Variants in C7orf57 observed in about 807,000 individuals in gnomAD.
C7orf57 encodes the protein uncharacterized protein C7orf57.
Under a neutral mutation model 39.0 loss-of-function variants are expected in C7orf57, and 33 were observed. The observed-to-expected ratio is 0.85, with a 90% CI of 0.64 to 1.13. The LOEUF (loss-of-function observed/expected upper bound fraction) is 1.13. Among genes scored for constraint, C7orf57 ranks in the 50% most tolerant of loss-of-function variants. The pLI is 0.00. For missense variants in C7orf57, 346 were observed against 362.3 expected, an observed-to-expected ratio of 0.95 and a Z score of 0.37; for synonymous variants, 124 against 137.1, an observed-to-expected ratio of 0.90 and a Z score of 0.67.
chr7:48,047,397 T>C (rs1204031403), intron 5 of C7orf57, among the ~76,000 whole-genome samples: 2 of 152,276 alleles, frequency 1.3e-5, no homozygotes, highest in Non-Finnish European at 2.9e-5. Context: ...CGTTGTCACC[T>C]GATGGGTGAT....
chr7:48,049,829 G>C, intron 5 of C7orf57, 51 bp from the exon 6 acceptor site: 2 of 1,404,368 alleles, frequency 1.4e-6, no homozygotes, highest in Non-Finnish European at 1.0e-6. Context: ...TTCTTCTCTA[G>C]CTGTTGAATG....
chr7:48,052,854 C>G lies in C7orf57; in HGVS notation c.760C>G (p.Leu254Val). The G allele has an allele frequency of 6.2e-7, 1 of 1,614,002 alleles. No individual in the cohort carries two copies. Among genetic ancestry groups the G allele is most frequent in the Admixed American group, 1.7e-5 (1 of 60,022 alleles). The change falls in exon 7 of 9, where the codon CTG (leucine) becomes GTG (valine). Residue 254 changes from leucine to valine, a missense_variant. Physicochemically the swap from Leu to Val is conservative, Grantham distance 32 (BLOSUM62 1). Coordinates refer to ENST00000348904, the MANE Select transcript of C7orf57 (RefSeq NM_001100159.3). ...AGTGTTATCTCAGTCCCCACGAGACCTGGAAGGTCCCCAGGATGCAGCCAG... is the reference window on the plus strand; with the variant it reads ...AGTGTTATCTCAGTCCCCACGAGACGTGGAAGGTCCCCAGGATGCAGCCAG... ...ASVLSQSPRD[L>V]EGPQDAARLQ...
chr7:48,046,695 A>C, intron 5 of C7orf57, 79 bp downstream of exon 5: 2 of 1,477,092 alleles, frequency 1.4e-6, no homozygotes, highest in Non-Finnish European at 1.8e-6. Flanking sequence ...CTGTGATGTT[A>C]GCTGCTGGTG....
At chr7:48,051,863 CTTTCT>C in intron 6 of C7orf57, among the ~76,000 whole-genome samples, 1 of 55,572 alleles carries the variant, frequency 1.8e-5, no homozygotes, top group Admixed American at 2.0e-4. Context: ...TTCTTTCTTT[CTTTCT>C]TTCTCTTTCT....
intron 5 of C7orf57, among the ~76,000 whole-genome samples, chr7:48,047,348 A>T (rs1790747661): frequency 6.6e-6 from 1 of 152,228 alleles, no homozygotes; most frequent in South Asian, 2.1e-4. Flanking sequence ...CATATTACAA[A>T]TAACAATAGT....
intron 2 of C7orf57, among the ~76,000 whole-genome samples, chr7:48,038,526 C>T (rs915290146): frequency 6.6e-6 from 1 of 152,180 alleles, no homozygotes; most frequent in Admixed American, 6.5e-5. Context: ...CAGGGAAGAG[C>T]TGATGTTGCA....
Position 48,049,907 on chromosome 7 carries a change from T to G in C7orf57, c.535T>G (p.Tyr179Asp). Reference protein sequence around the residue: ...KLRLPAIDSKYLSKAGTPLGP... With the variant: ...KLRLPAIDSKDLSKAGTPLGP... ...GAGGCTACCGGCCATTGACTCAAAG[T>G]ATCTGAGCAAAGCAGGCACCCCACT... The change falls in exon 6 of 9, where the codon TAT becomes GAT. Residue 179 changes from tyrosine to aspartate, a missense_variant. By Grantham distance (160) the Tyr-to-Asp change is radical. Coordinates refer to ENST00000348904, the MANE Select transcript of C7orf57 (RefSeq NM_001100159.3). The G allele has an allele frequency of 6.2e-7, 1 of 1,613,806 alleles. No individual in the cohort carries two copies. Among genetic ancestry groups the G allele is most frequent in the Non-Finnish European group, 8.5e-7 (1 of 1,179,754 alleles).
intron 5 of C7orf57, among the ~76,000 whole-genome samples, chr7:48,049,256 C>T (rs942538312): frequency 7.2e-5 from 11 of 152,236 alleles, no homozygotes; most frequent in South Asian, 2.1e-4. Flanking sequence ...TTGACTGCCA[C>T]GCCGCATTTC....
intron 6 of C7orf57, among the ~76,000 whole-genome samples, chr7:48,050,281 C>T (rs1790836385): frequency 6.6e-6 from 1 of 152,228 alleles, no homozygotes; most frequent in Non-Finnish European, 1.5e-5. Context: ...AGATACCACC[C>T]TCACCACAGT....
chr7:48,051,814 CTTCTCTTTCTTTCT>C lies in C7orf57; in HGVS notation c.606-881_606-868del, dbSNP rs1368880186. Among the ~76,000 whole-genome samples the C allele has an allele frequency of 1.9e-4, 8 of 42,440 alleles. 3 individuals are homozygous for C. The highest frequency in any genetic ancestry group is 9.6e-4 in the East Asian group (2 of 2,076). 27.8% of individuals were successfully genotyped at this position (42,440 alleles called of 152,430 possible). On this transcript the variant is annotated intron_variant, in intron 6 of 8. Transcript: ENST00000348904. ...TCTTTCTTTCCTTCCTTCCTTTTCT[CTTCTCTTTCTTTCT>C]TTCTTTCTTTCTTTCTTTCTTTCTT... is the stretch of plus-strand genomic sequence containing the variant.
At chr7:48,043,958 G>A (rs1326310421) in intron 4 of C7orf57, among the ~76,000 whole-genome samples, 1 of 152,084 alleles carries the variant, frequency 6.6e-6, no homozygotes, top group Non-Finnish European at 1.5e-5. Flanking sequence ...CTCTGACCTG[G>A]GGTTCTTGGC....
chr7:48,051,839 C>T (rs1211298955), intron 6 of C7orf57, among the ~76,000 whole-genome samples: 9 of 59,228 alleles, frequency 1.5e-4, no homozygotes, highest in African/African-American at 6.6e-4. Flanking sequence ...TTCTTTCTTT[C>T]TTTCTTTCTT....
chr7:48,051,780 T>TTC (rs1285741943), intron 6 of C7orf57, among the ~76,000 whole-genome samples: 2 of 115,242 alleles, frequency 1.7e-5, no homozygotes, highest in Non-Finnish European at 3.8e-5. Context: ...CTTTCTTTCT[T>TTC]TCTTTCTTTC....
chr7:48,036,324 A>G lies in C7orf57; in HGVS notation c.16A>G (p.Lys6Glu), dbSNP rs1430109248. MRNTS[K>E]ELQGATHRYA... ...GCGCCTGACCATGAGGAACACAAGC[A>G]AGGAACTTCAGGGCGCCACGCACCG... Residue 6 changes from lysine to glutamate, a missense_variant, in exon 2 of 9, where the codon AAG becomes GAG. Lys to Glu is a moderately conservative substitution (Grantham distance 56). Transcript: ENST00000348904. 1.0e-5 allele frequency: 16 copies of G among 1,590,604 alleles called. No homozygotes were observed. The highest frequency in any genetic ancestry group is 1.4e-5 in the Non-Finnish European group (16 of 1,168,860).
At chr7:48,046,880 G>A (rs370037184) in intron 5 of C7orf57, among the ~76,000 whole-genome samples, 3 of 152,180 alleles carry the variant, frequency 2.0e-5, no homozygotes, top group East Asian at 1.9e-4. Flanking sequence ...CTTATCTAGA[G>A]GAAAACTGGC....
rs1483391579 is a variant in C7orf57, at chr7:48,041,333, G to A, written c.56-1G>A. ...TGGCCCTCCGCCTCTCTCCTCTATAGATTGGTATTACCACGTCCCAGTGAA... is the reference window on the plus strand; with the variant it reads ...TGGCCCTCCGCCTCTCTCCTCTATAAATTGGTATTACCACGTCCCAGTGAA... On this transcript the variant is annotated splice_acceptor_variant, in intron 2 of 8. Coordinates refer to ENST00000348904, the MANE Select transcript of C7orf57 (RefSeq NM_001100159.3). LOFTEE classifies it high-confidence loss of function. The A allele has an allele frequency of 6.2e-7, 1 of 1,611,362 alleles. No homozygotes were observed. The highest frequency in any genetic ancestry group is 1.7e-5 in the Admixed American group (1 of 59,716).
Position 48,035,612 on chromosome 7 carries a change from G to A in C7orf57, c.-120G>A. 1 of 690,480 alleles carries A rather than the reference G, an allele frequency of 1.4e-6. No homozygotes were observed. The highest frequency in any genetic ancestry group is 1.5e-5 in the South Asian group (1 of 66,376). 42.8% of individuals were successfully genotyped at this position (690,480 alleles called of 1,614,324 possible). A position where few individuals can be genotyped will look rare whatever the true frequency, so the allele number is the denominator to read the frequency against. On this transcript the variant is annotated 5_prime_UTR_variant, in exon 1 of 9. Transcript: ENST00000348904. The surrounding 1 kb of genome is among the most constrained non-coding windows in gnomAD (Gnocchi z 4.0). ...GCCGGGCGCCGCGGGCAGCACCCAC[G>A]GAGACCCGCGGGGAGCTGGTGAGCC...
At chr7:48,046,647 G>A (rs771350398) in intron 5 of C7orf57, 31 bp downstream of exon 5, 37 of 1,595,250 alleles carry the variant, frequency 2.3e-5, no homozygotes, top group African/African-American at 2.7e-5. Context: ...GACGGCATCC[G>A]CATCCGCTTT....
chr7:48,046,448 C>T lies in C7orf57; in HGVS notation c.351-12C>T, dbSNP rs768558403. ...CTGAGCACCAGGCTGTAACTGGTGT[C>T]TGTCCTTGCAGAGTGCGGGCTGTCT... On this transcript the variant is annotated splice_polypyrimidine_tract_variant and intron_variant, in intron 4 of 8. Transcript: ENST00000348904. 2.5e-6 allele frequency: 4 copies of T among 1,609,020 alleles called. No individual in the cohort carries two copies. The highest frequency in any genetic ancestry group is 1.1e-5 in the South Asian group (1 of 90,168).
Sources: gnomAD v4.1 joint callset for allele counts (sites outside exome capture counted in the v4.1 genomes callset) on GRCh38, gnomAD v4.1.1 for gene constraint, Gnocchi (gnomAD v3.1) non-coding constraint, MANE v1.5 for transcripts, NCBI Gene and HGNC (gene_info 2026-07-23, HGNC 2026-07-21) for gene names.